COQ8B: variants seen among roughly 807,000 people sequenced by gnomAD.
The protein encoded by COQ8B is atypical kinase COQ8B, mitochondrial.
A neutral mutation model predicts 62.0 loss-of-function variants in COQ8B; 44 were observed. The ratio of observed to expected loss-of-function variants is 0.71; its 90% confidence interval spans 0.56 to 0.91. The LOEUF (loss-of-function observed/expected upper bound fraction) is 0.91. Ranked by LOEUF, COQ8B falls within the 40% of genes least tolerant of loss-of-function variation. The pLI is 0.00. For missense variants in COQ8B, 649 were observed against 731.6 expected (o/e 0.89, Z 1.30); for synonymous variants, 252 against 289.9 (o/e 0.87, Z 1.33).
chr19:40,703,693 C>T (rs375627199), intron 8 of COQ8B, 22 bp downstream of exon 8: 3 of 1,614,074 alleles, frequency 1.9e-6, no homozygotes, highest in Admixed American at 1.7e-5. Flanking sequence ...CCGCCCCTAC[C>T]CTGCCCAGCC....
chr19:40,703,325 G>T, intron 9 of COQ8B: 1 of 523,494 alleles, frequency 1.9e-6, no homozygotes. Flanking sequence ...CTGGGCTCCC[G>T]TCTCTCTAAG....
At chr19:40,699,152 G>C (rs2082041930) in intron 12 of COQ8B, among the ~76,000 whole-genome samples, 2 of 150,994 alleles carry the variant, frequency 1.3e-5, no homozygotes, top group Non-Finnish European at 2.9e-5. Context: ...TGGTGAGACA[G>C]AGTCTCGCCC....
intron 12 of COQ8B, among the ~76,000 whole-genome samples, chr19:40,696,473 T>C (rs1202503906): frequency 6.6e-6 from 1 of 152,098 alleles, no homozygotes; most frequent in Non-Finnish European, 1.5e-5. Flanking sequence ...GAGACCAGCC[T>C]GGCCATCATG....
At position 40,705,390 on chromosome 19, in the gene COQ8B, A is replaced by G. The variant is rs1398042699; in HGVS notation, c.425T>C (p.Ile142Thr). 2.5e-6 allele frequency: 4 copies of G among 1,596,600 alleles called. No individual in the cohort carries two copies. Among genetic ancestry groups the G allele is most frequent in the African/African-American group, 2.7e-5 (2 of 74,646 alleles). ...TCGAACTGTACATAAGGTCTGCACA[A>G]TCCGCTCGGCATTGGCCTCCGACAG... ...PFLSEANAER[I>T]VQTLCTVRGA... The change falls in exon 6 of 15, where the codon ATT (isoleucine) becomes ACT (threonine). Residue 142 changes from isoleucine to threonine, a missense_variant. Transcript: ENST00000324464.
rs973640042 is a variant in COQ8B at position 40,699,999 on chromosome 19, T to C, written c.1143+68A>G. On this transcript the variant is annotated intron_variant, in intron 12 of 14. Coordinates refer to ENST00000324464, the MANE Select transcript of COQ8B (RefSeq NM_024876.4). ...GTAATCAACTGCTATTTTGTTGAGC[T>C]ACCGAAATATCAAGGAATATTTGTT... The C allele has an allele frequency of 6.2e-6, 9 of 1,454,480 alleles. No individual in the cohort carries two copies. The African/African-American group carries it at 1.3e-4, about 20-fold the overall frequency. The allele number at this position is 1,454,480 out of a possible 1,614,324, so 90.1% of individuals were successfully genotyped here. A position where few individuals can be genotyped will look rare whatever the true frequency, so the allele number is the denominator to read the frequency against.
At chr19:40,714,888 A>C in intron 1 of COQ8B, 1 of 1,269,738 alleles carries the variant, frequency 7.9e-7, no homozygotes, top group Non-Finnish European at 9.9e-7. Flanking sequence ...CCGTTACTAG[A>C]CACCCACAGT....
intron 5 of COQ8B, among the ~76,000 whole-genome samples, chr19:40,706,433 C>T (rs753178346): frequency 3.9e-4 from 59 of 152,278 alleles, no homozygotes; most frequent in Non-Finnish European, 6.3e-4. Context: ...GGAATGTGTA[C>T]GTGTGTACTC....
In COQ8B at chr19:40,700,154, C is replaced by A. The variant is rs768934453; in HGVS notation, c.1056G>T (p.Thr352=). The change falls in exon 12 of 15, where the codon ACG becomes ACT. Residue 352 remains threonine (T), a synonymous_variant. Coordinates refer to ENST00000324464, the MANE Select transcript of COQ8B (RefSeq NM_024876.4). ...LRNQICFQLL[T]LCLRELFEFR... is the part of the protein sequence containing the mutation. ...ACTCAAACAGCTCCCGCAGACACAG[C>A]GTCAGGAGCTGGAAGCAAATCTGGG... 6 of 1,614,234 alleles carry A rather than the reference C, an allele frequency of 3.7e-6. No individual in the cohort carries two copies. Among genetic ancestry groups the A allele is most frequent in the Non-Finnish European group, 3.4e-6 (4 of 1,180,036 alleles).
intron 5 of COQ8B, among the ~76,000 whole-genome samples, chr19:40,705,695 A>G (rs973598731): frequency 6.6e-6 from 1 of 152,164 alleles, no homozygotes; most frequent in African/African-American, 2.4e-5. Flanking sequence ...TATAATCCCA[A>G]CACTGGGAGG....
At chr19:40,702,485 G>A (rs1041696304) in intron 10 of COQ8B, 115 bp downstream of exon 10, 1 of 941,456 alleles carries the variant, frequency 1.1e-6, no homozygotes, top group Non-Finnish European at 1.7e-6. Flanking sequence ...ATGATTGAAA[G>A]AAAGAGAGAG....
chr19:40,697,845 T>TAGAGAGAGAGAG (rs1370534076), intron 12 of COQ8B, among the ~76,000 whole-genome samples: 13 of 52,502 alleles, frequency 2.5e-4, no homozygotes, highest in African/African-American at 1.0e-3. Context: ...TATATATATA[T>TAGAGAGAGAGAG]ATATATAGAG....
chr19:40,715,684 T>C (rs150394005), intron 1 of COQ8B: 5 of 896,118 alleles, frequency 5.6e-6, no homozygotes, highest in Non-Finnish European at 6.7e-6. Context: ...TCACACACCC[T>C]GTTCTCTCCG....
At chr19:40,695,824 G>A (rs2082010615) in intron 13 of COQ8B, among the ~76,000 whole-genome samples, 165 bp downstream of exon 13, 1 of 152,206 alleles carries the variant, frequency 6.6e-6, no homozygotes, top group African/African-American at 2.4e-5. Context: ...ACTAAAGATG[G>A]AGCCTGACAT....
At chr19:40,694,477 C>T (rs1423623311) in intron 13 of COQ8B, among the ~76,000 whole-genome samples, 1 of 152,200 alleles carries the variant, frequency 6.6e-6, no homozygotes, top group Non-Finnish European at 1.5e-5. Flanking sequence ...CTGTGCTGCC[C>T]CCCGACCTGC....
intron 1 of COQ8B, chr19:40,715,168 A>C (rs2082176288): frequency 2.0e-6 from 2 of 985,998 alleles, no homozygotes; most frequent in African/African-American, 3.5e-5. Flanking sequence ...CAACTCGCTG[A>C]CTGGCACGGA....
At chr19:40,697,851 T>TATATAGAGAGAGAGAGAGAGAGAGAG (rs1446181673) in intron 12 of COQ8B, among the ~76,000 whole-genome samples, 25 of 54,714 alleles carry the variant, frequency 4.6e-4, no homozygotes, top group African/African-American at 6.9e-4. Flanking sequence ...TATATATATA[T>TATATAGAGAGAGAGAGAGAGAGAGAG]AGAGAGAGAG....
At chr19:40,713,146 G>A (rs2082155151) in intron 4 of COQ8B, among the ~76,000 whole-genome samples, 1 of 152,232 alleles carries the variant, frequency 6.6e-6, no homozygotes, top group Non-Finnish European at 1.5e-5. Context: ...TGGATCACTT[G>A]AGGTCAGGAG....
rs2081977152 is a variant in COQ8B at position 40,692,234 on chromosome 19, C to G, written c.1436G>C (p.Cys479Ser). 1.9e-6 allele frequency: 3 copies of G among 1,609,588 alleles called. No homozygotes were observed. Among genetic ancestry groups the G allele is most frequent in the African/African-American group, 1.3e-5 (1 of 74,766 alleles). Residue 479 changes from cysteine to serine, a missense_variant, in exon 15 of 15, where the codon TGT (cysteine) becomes TCT (serine). Physicochemically the swap from Cys to Ser is moderately radical, Grantham distance 112. Coordinates refer to ENST00000324464, the MANE Select transcript of COQ8B (RefSeq NM_024876.4). ...LIPVLLRHRLCPPPEETYALH... is the reference protein window; with the variant it reads ...LIPVLLRHRLSPPPEETYALH... ...GGCATAGGTCTCCTCGGGTGGGGGA[C>G]ACAGCCGGTGCCGCAGCAGCACCGG...
chr19:40,691,811 T>G lies in COQ8B; in HGVS notation c.*224A>C. On this transcript the variant is annotated 3_prime_UTR_variant, in exon 15 of 15. Coordinates refer to ENST00000324464, the MANE Select transcript of COQ8B (RefSeq NM_024876.4). ...AGATAAGTTAACCGCTTCCCTGGCT[T>G]AGTTTTCGGATACCCACTTTCGAGT... 2.4e-6 allele frequency: 1 copy of G among 417,338 alleles called. No homozygotes were observed. The highest frequency in any genetic ancestry group is 4.2e-6 in the Non-Finnish European group (1 of 236,322). The allele number at this position is 417,338 out of a possible 1,614,324, so 25.9% of individuals were successfully genotyped here.
Sources: gnomAD v4.1 joint callset for allele counts (sites outside exome capture counted in the v4.1 genomes callset) on GRCh38, gnomAD v4.1.1 for gene constraint, MANE v1.5 for transcripts, NCBI Gene and HGNC (gene_info 2026-07-23, HGNC 2026-07-21) for gene names.